NYAP2: variants seen among roughly 807,000 people sequenced by gnomAD.
The protein encoded by NYAP2 is neuronal tyrosine-phosphorylated phosphoinositide-3-kinase adaptor 2.
A neutral mutation model predicts 50.4 loss-of-function variants in NYAP2; 23 were observed. The observed-to-expected ratio is 0.46, with a 90% CI of 0.33 to 0.65. NYAP2 has a LOEUF of 0.65. NYAP2 is among the 30% of genes least tolerant of loss of function. NYAP2 has a pLI of 0.02. For synonymous variants in NYAP2, 394 were observed against 365.2 expected (o/e 1.08, Z -0.90); for missense variants, 885 against 861.0 (o/e 1.03, Z -0.35).
intron 5 of NYAP2, among the ~76,000 whole-genome samples, chr2:225,620,343 A>G (rs1321945907): frequency 6.6e-6 from 1 of 152,222 alleles, no homozygotes; most frequent in Non-Finnish European, 1.5e-5. Flanking sequence ...CACCTTGGTT[A>G]GGAAGCAGTT....
chr2:225,694,214 T>C, the NYAP2 span, among the ~76,000 whole-genome samples: 1 of 152,058 alleles, frequency 6.6e-6, no homozygotes, highest in East Asian at 1.9e-4. Context: ...AGAGTTTATT[T>C]ACTGGGCTTG....
At chr2:225,583,631 C>A (rs1043067629) in intron 5 of NYAP2, among the ~76,000 whole-genome samples, 4 of 151,464 alleles carry the variant, frequency 2.6e-5, no homozygotes, top group Non-Finnish European at 5.9e-5. Context: ...AAAACAGAGA[C>A]CACTATGGAA....
At chr2:225,525,698 A>G (rs1691138591) in intron 4 of NYAP2, among the ~76,000 whole-genome samples, 1 of 152,182 alleles carries the variant, frequency 6.6e-6, no homozygotes, top group South Asian at 2.1e-4. Flanking sequence ...AATGATGGGT[A>G]CAACAAAAGC....
intron 4 of NYAP2, among the ~76,000 whole-genome samples, chr2:225,576,697 C>T (rs145627860): frequency 7.9e-4 from 120 of 152,250 alleles, no homozygotes; most frequent in African/African-American, 2.8e-3. Context: ...ATGGAAAGGA[C>T]TGTTTAAAAG....
In NYAP2 at chr2:225,622,568, TTTCTTTCTTTCTTCTTTC is replaced by T. The variant is rs1559232957; in HGVS notation, c.1619-4346_1619-4329del. On this transcript the variant is annotated intron_variant, in intron 5 of 6. Coordinates refer to ENST00000636099, the Ensembl canonical transcript of NYAP2. ...TTCTTTCTTTCTTTCTTTTTCTTTCTTTCTTTCTTTCTTCTTTCTTTTTTTTTTTTAGACAAAGTCTCG... is the reference window on the plus strand; with the variant it reads ...TTCTTTCTTTCTTTCTTTTTCTTTCTTTTTTTTTTTTTAGACAAAGTCTCG... 9.8e-4 allele frequency among the ~76,000 whole-genome samples: 107 copies of T among 108,892 alleles called. 1 individual carries two copies. The highest frequency in any genetic ancestry group is 0.01 in the Middle Eastern group (2 of 200). 71.4% of individuals were successfully genotyped at this position (108,892 alleles called of 152,430 possible). A position where few individuals can be genotyped will look rare whatever the true frequency, so the allele number is the denominator to read the frequency against.
intron 4 of NYAP2, among the ~76,000 whole-genome samples, chr2:225,530,657 GAATA>G (rs1691238784): frequency 6.6e-6 from 1 of 152,036 alleles, no homozygotes; most frequent in Non-Finnish European, 1.5e-5. Context: ...AATCTTTGTT[GAATA>G]AATAAGTCAT....
At chr2:225,398,372 G>T (rs766413353), upstream of NYAP2, among the ~76,000 whole-genome samples, 6 of 151,988 alleles carry the variant, frequency 3.9e-5, no homozygotes, top group Non-Finnish European at 5.9e-5. Flanking sequence ...TAGACCCCCA[G>T]ACTGGCAAAA....
intron 5 of NYAP2, among the ~76,000 whole-genome samples, chr2:225,604,968 T>C (rs1692761397): frequency 6.6e-6 from 1 of 152,132 alleles, no homozygotes; most frequent in Admixed American, 6.6e-5. Context: ...TTAGTAACTG[T>C]GATTCCAGCA....
intron 3 of NYAP2, among the ~76,000 whole-genome samples, chr2:225,474,233 T>G (rs1032456518): frequency 2.3e-4 from 35 of 152,298 alleles, no homozygotes; most frequent in African/African-American, 7.9e-4. Context: ...TAGTTTGAAG[T>G]CAGGTAGCGT....
intron 3 of NYAP2, among the ~76,000 whole-genome samples, chr2:225,482,795 C>A (rs894007177): frequency 4.6e-5 from 7 of 152,126 alleles, no homozygotes; most frequent in African/African-American, 1.7e-4. Context: ...GCCAGCCCTA[C>A]CCCAAACAAA....
chr2:225,586,960 A>G (rs530675741), intron 5 of NYAP2, among the ~76,000 whole-genome samples: 36 of 152,352 alleles, frequency 2.4e-4, no homozygotes, highest in Non-Finnish European at 4.0e-4. Flanking sequence ...CAGAAAACTT[A>G]CAATCATGAT....
At chr2:225,635,717 G>C (rs962225959) in intron 6 of NYAP2, among the ~76,000 whole-genome samples, 3 of 152,122 alleles carry the variant, frequency 2.0e-5, no homozygotes, top group African/African-American at 7.2e-5. Context: ...ACCCTTTTTG[G>C]GTTGCCTTGA....
intron 3 of NYAP2, among the ~76,000 whole-genome samples, chr2:225,487,652 G>A (rs577270809): frequency 1.8e-4 from 28 of 152,080 alleles, no homozygotes; most frequent in African/African-American, 5.3e-4. Context: ...GAGCCACCAC[G>A]CCTGGCAAAC....
intron 5 of NYAP2, among the ~76,000 whole-genome samples, chr2:225,600,211 T>C (rs987934177): frequency 3.3e-5 from 5 of 152,108 alleles, no homozygotes; most frequent in Admixed American, 2.6e-4. Context: ...TGAAATTGTC[T>C]TGTGCTGAGT....
chr2:225,457,495 C>G (rs1213989247), intron 3 of NYAP2, among the ~76,000 whole-genome samples: 1 of 152,256 alleles, frequency 6.6e-6, no homozygotes, highest in East Asian at 1.9e-4. Context: ...TAACACTAGA[C>G]AGCAGACACT....
intron 6 of NYAP2, among the ~76,000 whole-genome samples, chr2:225,630,411 A>T (rs1225196021): frequency 6.6e-6 from 1 of 152,154 alleles, no homozygotes; most frequent in Admixed American, 6.5e-5. Context: ...GATTGTTTTC[A>T]TGATGACAAA....
intron 3 of NYAP2, among the ~76,000 whole-genome samples, chr2:225,448,510 A>G (rs181215243): frequency 6.6e-6 from 1 of 152,346 alleles, no homozygotes; most frequent in Non-Finnish European, 1.5e-5. Flanking sequence ...GTGAATAAAC[A>G]TGTCCTAAAA....
chr2:225,621,204 T>A (rs1294507925), intron 5 of NYAP2, among the ~76,000 whole-genome samples: 1 of 152,022 alleles, frequency 6.6e-6, no homozygotes, highest in African/African-American at 2.4e-5. Context: ...GAAGCTAGAG[T>A]TACACTTTCT....
chr2:225,590,360 G>A (rs1385670176), intron 5 of NYAP2, among the ~76,000 whole-genome samples: 1 of 152,232 alleles, frequency 6.6e-6, no homozygotes, highest in African/African-American at 2.4e-5. Flanking sequence ...TTCTCGTGTA[G>A]TTCAAAGCAT....
Sources: gnomAD v4.1 joint callset for allele counts (sites outside exome capture counted in the v4.1 genomes callset) on GRCh38, gnomAD v4.1.1 for gene constraint, MANE v1.5 for transcripts, NCBI Gene and HGNC (gene_info 2026-07-23, HGNC 2026-07-21) for gene names.